IQCH: variants seen among roughly 807,000 people sequenced by gnomAD.
The protein encoded by IQCH is IQ motif containing H.
In IQCH, 98 loss-of-function variants were observed where a neutral mutation model predicts 117.0. That is an observed-to-expected ratio of 0.84 (90% CI 0.71 to 0.99). The LOEUF is 0.99. Ranked by LOEUF, IQCH falls within the 50% of genes least tolerant of loss-of-function variation. The probability of loss-of-function intolerance (pLI) is 0.00; values close to 1 mark genes in which losing one functional copy is unlikely to be tolerated. For synonymous variants in IQCH, 412 were observed against 448.2 expected, an observed-to-expected ratio of 0.92 and a Z score of 1.02; for missense variants, 1,102 against 1,243.8, an observed-to-expected ratio of 0.89 and a Z score of 1.72.
At chr15:67,396,514 T>C (rs953156211) in intron 13 of IQCH, among the ~76,000 whole-genome samples, 1 of 152,242 alleles carries the variant, frequency 6.6e-6, no homozygotes. Flanking sequence ...AAATGTTTTC[T>C]CTTTGAGTTA....
chr15:67,364,501 A>G lies in IQCH; in HGVS notation c.753+4616A>G, dbSNP rs1346110541. On this transcript the variant is annotated intron_variant, in intron 8 of 20. Transcript: ENST00000335894. This position sits in a 1 kb window ranked among gnomAD's most constrained non-coding sequence, Gnocchi z 4.1. ...GACTGTTTTTACTACTTTTCATAGC[A>G]TTGTCTAACTGAACATTTTTATTAC... Among the ~76,000 whole-genome samples, 1 of 152,130 alleles carries G rather than the reference A, an allele frequency of 6.6e-6. No individual in the cohort carries two copies. The highest frequency in any genetic ancestry group is 1.5e-5 in the Non-Finnish European group (1 of 68,018).
chr15:67,258,107 T>A (rs1447438657), intron 1 of IQCH, among the ~76,000 whole-genome samples: 1 of 151,856 alleles, frequency 6.6e-6, no homozygotes, highest in Non-Finnish European at 1.5e-5. Context: ...GGCAGGCACC[T>A]GTAATCCCAG....
At chr15:67,380,869 T>A (rs374224186) in intron 10 of IQCH, among the ~76,000 whole-genome samples, 4 of 152,216 alleles carry the variant, frequency 2.6e-5, no homozygotes, top group African/African-American at 9.6e-5. Context: ...GAGGCATGAA[T>A]GACTACCATC....
In IQCH at chr15:67,399,508, A is replaced by G. The variant is rs890694638; in HGVS notation, c.1906-606A>G. On this transcript the variant is annotated intron_variant, in intron 13 of 20. Transcript: ENST00000335894. The stretch of plus-strand genomic sequence containing the variant: ...TGTCAAGTAGGTGTGTATTCCAGGA[A>G]GTTTGCTTTCACAAATGTTTTATCT... Among the ~76,000 whole-genome samples, 9 of 152,320 alleles carry G rather than the reference A, an allele frequency of 5.9e-5. No homozygotes were observed. The South Asian group carries it at 1.0e-3, about 18-fold the overall frequency.
intron 18 of IQCH, among the ~76,000 whole-genome samples, chr15:67,488,850 T>A (rs181913318): frequency 1.3e-5 from 2 of 152,232 alleles, no homozygotes; most frequent in Admixed American, 1.3e-4. Context: ...GTGGTAATGC[T>A]TGCTTGCCTG....
chr15:67,446,764 A>G (rs1352640144), intron 16 of IQCH, among the ~76,000 whole-genome samples: 7 of 152,166 alleles, frequency 4.6e-5, no homozygotes, highest in African/African-American at 1.7e-4. Flanking sequence ...CTTTTTGCCT[A>G]TACTGAAGGA....
At chr15:67,288,818 G>A (rs548271099) in intron 4 of IQCH, among the ~76,000 whole-genome samples, 1 of 152,204 alleles carries the variant, frequency 6.6e-6, no homozygotes, top group East Asian at 1.9e-4. Flanking sequence ...TGTTGAGGGA[G>A]ATAGACAAAT....
chr15:67,435,818 G>A lies in IQCH; in HGVS notation c.2505+14241G>A, dbSNP rs564215659. ...ACCCAGGAGGCAGAGGTTGTAGTGA[G>A]CCAAGATGGCATCACTGCACTCAAC... On this transcript the variant is annotated intron_variant, in intron 16 of 20. Transcript: ENST00000335894. 3.3e-5 allele frequency among the ~76,000 whole-genome samples: 5 copies of A among 151,910 alleles called. No homozygotes were observed. In the East Asian group the frequency reaches 7.8e-4, roughly 24 times the overall value.
intron 3 of IQCH, among the ~76,000 whole-genome samples, chr15:67,267,620 G>T (rs1183009434): frequency 6.6e-6 from 1 of 152,192 alleles, no homozygotes; most frequent in Non-Finnish European, 1.5e-5. Context: ...TGCTCAAACT[G>T]TGAGGCTGAT....
chr15:67,353,603 G>T (rs1056105176), intron 6 of IQCH, among the ~76,000 whole-genome samples: 3 of 151,878 alleles, frequency 2.0e-5, no homozygotes, highest in South Asian at 4.1e-4. Context: ...CAGGCAATCC[G>T]CCCACCTTGC....
rs751467484 is a variant in IQCH, at chr15:67,473,458, CCTT to C, written c.2677-2235_2677-2233del. 3.3e-5 allele frequency among the ~76,000 whole-genome samples: 5 copies of C among 152,224 alleles called. No individual in the cohort carries two copies. Among genetic ancestry groups the C allele is most frequent in the Non-Finnish European group, 7.3e-5 (5 of 68,046 alleles). On this transcript the variant is annotated intron_variant, in intron 17 of 20. Coordinates refer to ENST00000335894, the MANE Select transcript of IQCH (RefSeq NM_001031715.3). This position sits in a 1 kb window ranked among gnomAD's most constrained non-coding sequence, Gnocchi z 4.9. ...GCCCGGAGCAACTGCCCTGAGTTGT[CCTT>C]CTCTAAGGATGGTGTGACTGTCCCC...
chr15:67,256,592 G>A (rs1965221368), intron 1 of IQCH, among the ~76,000 whole-genome samples: 1 of 152,186 alleles, frequency 6.6e-6, no homozygotes, highest in South Asian at 2.1e-4. Flanking sequence ...CAGGAGCGAA[G>A]ACTGGACCCC....
chr15:67,257,756 T>C (rs868066296), intron 1 of IQCH, among the ~76,000 whole-genome samples: 2 of 152,258 alleles, frequency 1.3e-5, no homozygotes, highest in Non-Finnish European at 2.9e-5. Flanking sequence ...GTAACAAATA[T>C]TACCTGATCT....
intron 12 of IQCH, among the ~76,000 whole-genome samples, chr15:67,392,307 G>T (rs142990200): frequency 1.3e-5 from 2 of 152,124 alleles, no homozygotes; most frequent in Non-Finnish European, 2.9e-5. Context: ...CATTCAGTTC[G>T]TTTTCTTTTA....
chr15:67,461,780 T>A (rs1297776306), intron 16 of IQCH, among the ~76,000 whole-genome samples: 3 of 152,190 alleles, frequency 2.0e-5, no homozygotes, highest in Admixed American at 2.0e-4. Flanking sequence ...GGAGACAGAG[T>A]AATACCAACC....
At chr15:67,274,007 A>G (rs940154559) in intron 3 of IQCH, among the ~76,000 whole-genome samples, 5 of 152,170 alleles carry the variant, frequency 3.3e-5, no homozygotes, top group African/African-American at 9.7e-5. Flanking sequence ...CTTGGCTTAT[A>G]TCGTTTCCAT....
At chr15:67,263,781 A>G (rs1161716421) in intron 3 of IQCH, among the ~76,000 whole-genome samples, 3 of 152,236 alleles carry the variant, frequency 2.0e-5, no homozygotes, top group Non-Finnish European at 4.4e-5. Flanking sequence ...GGTAAACAAA[A>G]CAAAAATAAA....
intron 4 of IQCH, among the ~76,000 whole-genome samples, chr15:67,317,837 G>A (rs1468916573): frequency 6.6e-6 from 1 of 152,062 alleles, no homozygotes; most frequent in Admixed American, 6.6e-5. Context: ...AGTTTCATGG[G>A]CATGGTTTTG....
intron 16 of IQCH, among the ~76,000 whole-genome samples, chr15:67,444,769 T>TAA (rs2082356298): frequency 6.6e-6 from 1 of 152,260 alleles, no homozygotes; most frequent in African/African-American, 2.4e-5. Context: ...AATGGTGTCT[T>TAA]ATGTTACCAA....
Sources: gnomAD v4.1 joint callset for allele counts (sites outside exome capture counted in the v4.1 genomes callset) on GRCh38, gnomAD v4.1.1 for gene constraint, Gnocchi (gnomAD v3.1) non-coding constraint, MANE v1.5 for transcripts, NCBI Gene and HGNC (gene_info 2026-07-23, HGNC 2026-07-21) for gene names.